Variants in WDR17 observed in about 807,000 individuals in gnomAD.
WDR17 encodes WD repeat-containing protein 17.
Under a neutral mutation model 161.7 loss-of-function variants are expected in WDR17, and 143 were observed. The observed-to-expected ratio is 0.88, with a 90% CI of 0.77 to 1.02. The LOEUF (loss-of-function observed/expected upper bound fraction) is 1.02, where lower values mean the gene tolerates loss of function less well. Among genes scored for constraint, WDR17 ranks in the 50% least tolerant of loss-of-function variants. The pLI is 0.00. For synonymous variants in WDR17, 517 were observed against 515.6 expected (o/e 1.00, Z -0.04); for missense variants, 1,469 against 1,520.9 (o/e 0.97, Z 0.57).
chr4:176,079,989 A>C (rs944188904), intron 1 of WDR17, among the ~76,000 whole-genome samples: 2 of 152,068 alleles, frequency 1.3e-5, no homozygotes, highest in African/African-American at 4.8e-5. Context: ...TTTGTTCACA[A>C]GGGCAGAACC....
Position 176,148,237 on chromosome 4 carries a change from T to TG in WDR17, c.1800dup (p.Leu601AlafsTer26). On this transcript the variant is annotated frameshift_variant, in exon 13 of 29. Transcript: ENST00000508596. LOFTEE classifies it high-confidence loss of function. ...ATGTGGAATACTGAGATTCCATATCTGCTCATATCTGGCAGCTGGGACTAT... is the reference window on the plus strand; with the variant it reads ...ATGTGGAATACTGAGATTCCATATCTGGCTCATATCTGGCAGCTGGGACTAT... 6.2e-7 allele frequency: 1 copy of TG among 1,614,038 alleles called. No individual in the cohort carries two copies. Among genetic ancestry groups the TG allele is most frequent in the Non-Finnish European group, 8.5e-7 (1 of 1,179,918 alleles).
chr4:176,136,695 C>A (rs1214982231), intron 8 of WDR17, among the ~76,000 whole-genome samples: 1 of 151,022 alleles, frequency 6.6e-6, no homozygotes. Flanking sequence ...TCCTCTGTAT[C>A]TTAGTGTAGA....
chr4:176,096,989 A>G (rs1313721829), intron 1 of WDR17, among the ~76,000 whole-genome samples: 1 of 152,006 alleles, frequency 6.6e-6, no homozygotes, highest in African/African-American at 2.4e-5. Context: ...ATACTTTAAA[A>G]GGAAATGAAA....
At chr4:176,139,752 C>T (rs1199768576) in intron 9 of WDR17, 140 bp from the exon 10 acceptor site, 2 of 597,640 alleles carry the variant, frequency 3.3e-6, no homozygotes, top group African/African-American at 3.8e-5. Flanking sequence ...AATCAGGTTT[C>T]TGCTCTTGAC....
At chr4:176,143,407 C>G (rs1745611874) in intron 11 of WDR17, among the ~76,000 whole-genome samples, 1 of 151,648 alleles carries the variant, frequency 6.6e-6, no homozygotes, top group South Asian at 2.1e-4. Flanking sequence ...GCTCATGCCT[C>G]TAATTCAAGC....
Position 176,141,963 on chromosome 4 carries a change from CAT to C in WDR17, c.1443-17_1443-16del, listed in dbSNP as rs1187289138. On this transcript the variant is annotated intron_variant, in intron 10 of 28. Coordinates refer to ENST00000508596, the MANE Select transcript of WDR17 (RefSeq NM_181265.4). ...ATTTAGAGTATTGTTTTTCTATTAA[CAT>C]ATTATAATTAATTCTAGTATTATTC... 1 of 1,516,334 alleles carries C rather than the reference CAT, an allele frequency of 6.6e-7. No individual in the cohort carries two copies. Among genetic ancestry groups the C allele is most frequent in the East Asian group, 2.3e-5 (1 of 44,134 alleles). The allele number at this position is 1,516,334 out of a possible 1,614,324, so 93.9% of individuals were successfully genotyped here. A position where few individuals can be genotyped will look rare whatever the true frequency, so the allele number is the denominator to read the frequency against.
chr4:176,170,606 C>G (rs879660104), intron 23 of WDR17, among the ~76,000 whole-genome samples: 3 of 152,122 alleles, frequency 2.0e-5, no homozygotes, highest in Non-Finnish European at 4.4e-5. Flanking sequence ...TGAGCCACCA[C>G]GCCTGGCCAA....
At position 176,133,879 on chromosome 4, in the gene WDR17, TACTC is replaced by T. The variant is rs373280376; in HGVS notation, c.1099-1226_1099-1223del. On this transcript the variant is annotated intron_variant, in intron 7 of 28. Coordinates refer to ENST00000508596, the MANE Select transcript of WDR17 (RefSeq NM_181265.4). ...AAATGCCACAAAATTTTCCTCGTCT[TACTC>T]ACCTTCCTTTTGGTAAGAAGAAAAC... Among the ~76,000 whole-genome samples, 479 of 151,916 alleles carry T rather than the reference TACTC, an allele frequency of 3.2e-3. 3 individuals are homozygous for T. Among genetic ancestry groups the T allele is most frequent in the African/African-American group, 0.011 (449 of 41,550 alleles).
intron 1 of WDR17, among the ~76,000 whole-genome samples, chr4:176,091,898 T>C (rs1736172933): frequency 1.3e-5 from 2 of 152,064 alleles, no homozygotes; most frequent in Non-Finnish European, 2.9e-5. Context: ...GACTGAACCA[T>C]GAAGAAATCC....
At chr4:176,085,623 A>T (rs1319188430) in intron 1 of WDR17, among the ~76,000 whole-genome samples, 1 of 151,970 alleles carries the variant, frequency 6.6e-6, no homozygotes, top group African/African-American at 2.4e-5. Context: ...TTTTTATGTC[A>T]GTAAGTTCTA....
At chr4:176,103,478 G>A (rs1215093962) in intron 1 of WDR17, among the ~76,000 whole-genome samples, 1 of 151,966 alleles carries the variant, frequency 6.6e-6, no homozygotes, top group East Asian at 1.9e-4. Flanking sequence ...AAGACCTGAT[G>A]AAAGATCTAC....
chr4:176,137,373 A>T lies in WDR17; in HGVS notation c.1268-147A>T, dbSNP rs9884639. 0.24 allele frequency: 144,021 copies of T among 591,940 alleles called. 18,361 individuals are homozygous for T. The highest frequency in any genetic ancestry group is 0.34 in the Middle Eastern group (700 of 2,060). The allele number at this position is 591,940 out of a possible 1,614,324, so 36.7% of individuals were successfully genotyped here. ...CATTAACTTTATTATTTTATCTATA[A>T]TTTTATACAGTTAATAATTTCAATT... On this transcript the variant is annotated intron_variant, in intron 8 of 28. Transcript: ENST00000508596.
intron 1 of WDR17, chr4:176,096,411 A>T (rs939207368): frequency 1.3e-6 from 1 of 773,564 alleles, no homozygotes. Context: ...TCATTTCACA[A>T]GGGAGATTTT....
chr4:176,088,477 T>C (rs1295063222), intron 1 of WDR17, among the ~76,000 whole-genome samples: 1 of 152,202 alleles, frequency 6.6e-6, no homozygotes, highest in Admixed American at 6.5e-5. Context: ...TCAGCTGCAC[T>C]ATTTTTTCTT....
At chr4:176,085,375 A>C (rs1735295335) in intron 1 of WDR17, among the ~76,000 whole-genome samples, 1 of 152,088 alleles carries the variant, frequency 6.6e-6, no homozygotes, top group South Asian at 2.1e-4. Context: ...ATATTCTCAA[A>C]GAGTTTATGT....
intron 14 of WDR17, 31 bp from the exon 15 acceptor site, chr4:176,150,012 C>T (rs538112753): frequency 6.2e-7 from 1 of 1,611,234 alleles, no homozygotes; most frequent in South Asian, 1.1e-5. Flanking sequence ...TATGAGAAAT[C>T]TTTTCTCACT....
intron 16 of WDR17, 144 bp downstream of exon 16, chr4:176,150,737 A>G: frequency 6.2e-6 from 5 of 810,130 alleles, no homozygotes; most frequent in Non-Finnish European, 8.7e-6. Context: ...CTTGGGTAAA[A>G]TGAATCATAA....
chr4:176,075,062 G>A (rs1179055390), intron 1 of WDR17, among the ~76,000 whole-genome samples: 1 of 151,708 alleles, frequency 6.6e-6, no homozygotes, highest in Non-Finnish European at 1.5e-5. Context: ...ACATAAGTCT[G>A]ACATGCCTTT....
chr4:176,117,108 G>T (rs1740770954), intron 3 of WDR17, among the ~76,000 whole-genome samples: 1 of 151,884 alleles, frequency 6.6e-6, no homozygotes, highest in South Asian at 2.1e-4. Flanking sequence ...CAGCTATTCG[G>T]TGAGCTTCCA....
Sources: allele counts gnomAD v4.1 joint callset (sites outside exome capture counted in the v4.1 genomes callset), GRCh38; gene constraint gnomAD v4.1.1; transcripts MANE v1.5; gene names NCBI Gene and HGNC (gene_info 2026-07-23, HGNC 2026-07-21).